The following DLGAP2 variants were observed in gnomAD, a reference collection of about 807,000 sequenced individuals.
DLGAP2 encodes the protein disks large-associated protein 2.
Under a neutral mutation model 100.3 loss-of-function variants are expected in DLGAP2, and 26 were observed. That is an observed-to-expected ratio of 0.26 (90% confidence interval 0.19 to 0.36). DLGAP2 has a LOEUF of 0.36. Ranked by LOEUF, DLGAP2 falls within the 10% of genes least tolerant of loss-of-function variation. DLGAP2 has a pLI of 1.00. For missense variants in DLGAP2, 1,858 were observed against 1,453.2 expected (o/e 1.28, Z -4.53); for synonymous variants, 886 against 630.1 (o/e 1.41, Z -6.08).
At position 913,703 on chromosome 8, in the gene DLGAP2, T is replaced by C. The variant is rs1443889915; in HGVS notation, c.73+5737T>C. On this transcript the variant is annotated intron_variant, in intron 2 of 14. Coordinates refer to ENST00000637795, the MANE Select transcript of DLGAP2 (RefSeq NM_001346810.2). ...TGCATTTTGCAGAAGAGAAAACAGA[T>C]CCAGAGGTACCTGTGACTTCATTGT... Among the ~76,000 whole-genome samples, 3 of 152,240 alleles carry C rather than the reference T, an allele frequency of 2.0e-5. No homozygotes were observed. In the East Asian group the frequency reaches 5.8e-4, roughly 29 times the overall value.
chr8:962,123 A>G (rs1011995225), intron 2 of DLGAP2, among the ~76,000 whole-genome samples: 2 of 152,236 alleles, frequency 1.3e-5, no homozygotes, highest in African/African-American at 2.4e-5. Context: ...AGTCGTCATC[A>G]TACTTGTGTT....
chr8:1,689,695 G>A (rs1047709917), intron 12 of DLGAP2, among the ~76,000 whole-genome samples: 7 of 152,136 alleles, frequency 4.6e-5, no homozygotes, highest in African/African-American at 7.2e-5. Context: ...ATGACGCCCC[G>A]TGAGCCAGCT....
chr8:943,649 G>T (rs114066978), intron 2 of DLGAP2, among the ~76,000 whole-genome samples: 2,715 of 150,306 alleles, frequency 0.018, 102 homozygotes, highest in African/African-American at 0.063. Context: ...TGGCCATCCC[G>T]CCACAAGCAC....
At chr8:902,893 GTGGGTGGAACGTGTGCGGGTGGGC>G (rs1798288011) in intron 1 of DLGAP2, among the ~76,000 whole-genome samples, 1 of 66,816 alleles carries the variant, frequency 1.5e-5, no homozygotes, top group Non-Finnish European at 3.0e-5. Context: ...GCAGGGGTGG[GTGGGTGGAACGTGTGCGGGTGGGC>G]GGGGGCGGTG....
intron 1 of DLGAP2, among the ~76,000 whole-genome samples, chr8:818,482 C>T (rs1324930662): frequency 6.6e-6 from 1 of 152,204 alleles, no homozygotes; most frequent in Non-Finnish European, 1.5e-5. Flanking sequence ...TTCTGCATTT[C>T]AGGGAGCCTG....
intron 2 of DLGAP2, among the ~76,000 whole-genome samples, chr8:1,209,914 G>A (rs778956750): frequency 7.2e-5 from 11 of 152,256 alleles, no homozygotes; most frequent in East Asian, 5.8e-4. Context: ...GAGAAACGGC[G>A]TGTCATCAGC....
intron 4 of DLGAP2, among the ~76,000 whole-genome samples, chr8:1,513,621 C>A (rs915134949): frequency 6.6e-6 from 1 of 152,234 alleles, no homozygotes; most frequent in Non-Finnish European, 1.5e-5. Flanking sequence ...TGAGGTGAGA[C>A]CTTGCTAAGC....
At position 1,188,263 on chromosome 8, in the gene DLGAP2, G is replaced by T. The variant is rs1272750907; in HGVS notation, c.74-70588G>T. 4.9e-5 allele frequency among the ~76,000 whole-genome samples: 5 copies of T among 101,072 alleles called. 1 individual carries two copies. Among genetic ancestry groups the T allele is most frequent in the African/African-American group, 2.2e-4 (5 of 22,564 alleles). The allele number at this position is 101,072 out of a possible 152,430, so 66.3% of individuals were successfully genotyped here. On this transcript the variant is annotated intron_variant, in intron 2 of 14. Coordinates refer to ENST00000637795, the MANE Select transcript of DLGAP2 (RefSeq NM_001346810.2). ...ACGTTTCCCTCACGGAATCTCACAC[G>T]CCCGGGACCTCTGTGACGTTTGCCT... is the stretch of plus-strand genomic sequence containing the variant.
intron 1 of DLGAP2, among the ~76,000 whole-genome samples, chr8:900,752 C>A (rs1798236330): frequency 6.6e-6 from 1 of 152,074 alleles, no homozygotes; most frequent in African/African-American, 2.4e-5. Context: ...AGCAGGATGG[C>A]AGGAGCTGAG....
At chr8:1,009,173 A>G (rs993940217) in intron 2 of DLGAP2, among the ~76,000 whole-genome samples, 3 of 151,772 alleles carry the variant, frequency 2.0e-5, no homozygotes, top group African/African-American at 7.3e-5. Context: ...CTGCTTTCCA[A>G]TCTCCTAAGG....
chr8:1,506,396 G>A lies in DLGAP2; in HGVS notation c.172+4965G>A, dbSNP rs1446533146. 7.9e-5 allele frequency among the ~76,000 whole-genome samples: 12 copies of A among 152,164 alleles called. No homozygotes were observed. The South Asian group carries it at 8.3e-4, about 11-fold the overall frequency. On this transcript the variant is annotated intron_variant, in intron 4 of 14. Transcript: ENST00000637795. Reference sequence around the variant, plus strand: ...CTGTGGACCTTTTGGGTGAGTGTCCGGAGTTTGTTCCTTTTAATGTTCAGA... The same window carrying A: ...CTGTGGACCTTTTGGGTGAGTGTCCAGAGTTTGTTCCTTTTAATGTTCAGA...
At chr8:910,809 G>A (rs566153204) in intron 2 of DLGAP2, among the ~76,000 whole-genome samples, 1 of 152,228 alleles carries the variant, frequency 6.6e-6, no homozygotes, top group East Asian at 1.9e-4. Context: ...TCCTTGCAGG[G>A]GGTTCCGTCC....
chr8:968,323 G>T (rs1286281086), intron 2 of DLGAP2, among the ~76,000 whole-genome samples: 1 of 152,152 alleles, frequency 6.6e-6, no homozygotes, highest in Non-Finnish European at 1.5e-5. Context: ...AATTCTCTGA[G>T]AACCTTTCAT....
intron 1 of DLGAP2, among the ~76,000 whole-genome samples, chr8:770,507 C>G (rs1007307529): frequency 2.6e-5 from 4 of 152,232 alleles, no homozygotes; most frequent in Admixed American, 6.5e-5. Context: ...ATATGTTCCT[C>G]AGCTTTACAG....
rs554408358 is a variant in DLGAP2 at position 883,914 on chromosome 8, G to C, written c.19-23998G>C. Among the ~76,000 whole-genome samples, 5 of 152,308 alleles carry C rather than the reference G, an allele frequency of 3.3e-5. No homozygotes were observed. In the South Asian group the frequency reaches 1.0e-3, roughly 32 times the overall value. ...TGTTGGGTTTTCTGTTTCTGTGTTA[G>C]TTTGCTGAGGATAATGGCTTCCAGC... On this transcript the variant is annotated intron_variant, in intron 1 of 14. Coordinates refer to ENST00000637795, the MANE Select transcript of DLGAP2 (RefSeq NM_001346810.2).
chr8:739,723 A>G (rs1454077026), intron 1 of DLGAP2: 1 of 152,222 alleles, frequency 6.6e-6, no homozygotes, highest in East Asian at 1.9e-4. Flanking sequence ...TTTGGCTCCA[A>G]TAGTAATTGT....
intron 8 of DLGAP2, among the ~76,000 whole-genome samples, chr8:1,638,395 C>A (rs952692024): frequency 3.9e-5 from 6 of 152,032 alleles, no homozygotes; most frequent in African/African-American, 1.2e-4. Context: ...CATGTGCACA[C>A]CCAGGAGAGG....
chr8:1,011,483 A>T (rs1370890315), intron 2 of DLGAP2, among the ~76,000 whole-genome samples: 1 of 149,860 alleles, frequency 6.7e-6, no homozygotes, highest in Non-Finnish European at 1.5e-5. Context: ...CAGTCTGCAC[A>T]GTGGGCCCTG....
intron 1 of DLGAP2, among the ~76,000 whole-genome samples, chr8:826,042 T>C (rs1413575895): frequency 6.6e-6 from 1 of 152,244 alleles, no homozygotes; most frequent in Non-Finnish European, 1.5e-5. Flanking sequence ...AGGGTTGTAA[T>C]TTTTGCTCCC....
Sources: allele counts gnomAD v4.1 joint callset (sites outside exome capture counted in the v4.1 genomes callset), GRCh38; gene constraint gnomAD v4.1.1; transcripts MANE v1.5; gene names NCBI Gene and HGNC (gene_info 2026-07-23, HGNC 2026-07-21).